The following ALK variants were observed in gnomAD, a reference collection of about 807,000 sequenced individuals.
The protein encoded by ALK is ALK receptor tyrosine kinase, also known as ALK tyrosine kinase receptor.
ALK carries 74 observed loss-of-function variants against 163.1 expected under a neutral mutation model. The observed-to-expected ratio is 0.45, with a 90% CI of 0.38 to 0.55. The LOEUF is 0.55. Among genes scored for constraint, ALK ranks in the 20% least tolerant of loss-of-function variants. The pLI, the probability that ALK is intolerant of heterozygous loss-of-function variation, is 0.00. For synonymous variants in ALK, 960 were observed against 843.2 expected (o/e 1.14, Z -2.40); for missense variants, 2,063 against 2,105.3 (o/e 0.98, Z 0.39).
chr2:29,683,721 A>G (rs1458207071), intron 3 of ALK, among the ~76,000 whole-genome samples: 2 of 152,138 alleles, frequency 1.3e-5, no homozygotes, highest in African/African-American at 4.8e-5. Flanking sequence ...ATTCCCAGAT[A>G]TGATGTTATA....
At chr2:29,484,831 T>A (rs1447366963) in intron 4 of ALK, among the ~76,000 whole-genome samples, 1 of 152,230 alleles carries the variant, frequency 6.6e-6, no homozygotes, top group Non-Finnish European at 1.5e-5. Context: ...TGACAACTCC[T>A]TTTTGTCAGC....
At chr2:29,511,533 T>G (rs1340811141) in intron 4 of ALK, among the ~76,000 whole-genome samples, 1 of 152,198 alleles carries the variant, frequency 6.6e-6, no homozygotes, top group Non-Finnish European at 1.5e-5. Context: ...TTTCTTTATC[T>G]ATTCACCTGT....
chr2:29,195,658 C>T (rs1353033650), intron 28 of ALK, among the ~76,000 whole-genome samples: 1 of 152,208 alleles, frequency 6.6e-6, no homozygotes, highest in Non-Finnish European at 1.5e-5. Context: ...TCGCTTGAAC[C>T]CGGGAGGTGG....
intron 3 of ALK, among the ~76,000 whole-genome samples, chr2:29,552,916 C>T (rs1204818606): frequency 6.6e-6 from 1 of 152,196 alleles, no homozygotes; most frequent in Non-Finnish European, 1.5e-5. Context: ...GCTTCTGAAG[C>T]TGTTCTCAAT....
intron 1 of ALK, among the ~76,000 whole-genome samples, chr2:29,874,671 G>GGGAAAATCATTTTC (rs1282735401): frequency 6.6e-6 from 1 of 152,146 alleles, no homozygotes; most frequent in Non-Finnish European, 1.5e-5. Flanking sequence ...AAATATACAT[G>GGGAAAATCATTTTC]GGAAAATCAT....
intron 3 of ALK, among the ~76,000 whole-genome samples, chr2:29,694,599 A>G (rs1479306751): frequency 6.6e-6 from 1 of 152,242 alleles, no homozygotes; most frequent in East Asian, 1.9e-4. Flanking sequence ...GGAAATCTGC[A>G]TGGAAGAGAG....
At chr2:29,623,373 C>A (rs1676092527) in intron 3 of ALK, among the ~76,000 whole-genome samples, 1 of 152,082 alleles carries the variant, frequency 6.6e-6, no homozygotes, top group Admixed American at 6.6e-5. Flanking sequence ...TGAAAAATCA[C>A]CACTAGAAGA....
intron 5 of ALK, among the ~76,000 whole-genome samples, chr2:29,370,381 G>A (rs1668610339): frequency 6.6e-6 from 1 of 152,156 alleles, no homozygotes; most frequent in African/African-American, 2.4e-5. Flanking sequence ...CGTGTGGTGT[G>A]TTTCTGAATC....
At chr2:29,271,617 C>T (rs527812303) in intron 11 of ALK, among the ~76,000 whole-genome samples, 3 of 152,340 alleles carry the variant, frequency 2.0e-5, no homozygotes, top group African/African-American at 7.2e-5. Flanking sequence ...TTCACATTAA[C>T]CCCCCTCATC....
At chr2:29,373,841 C>G (rs1216175715) in intron 5 of ALK, among the ~76,000 whole-genome samples, 1 of 152,194 alleles carries the variant, frequency 6.6e-6, no homozygotes, top group African/African-American at 2.4e-5. Context: ...CTCCAACTAC[C>G]TCTACAGAAT....
intron 5 of ALK, among the ~76,000 whole-genome samples, chr2:29,352,439 TC>T (rs1193046791): frequency 2.0e-5 from 3 of 152,144 alleles, no homozygotes; most frequent in Non-Finnish European, 4.4e-5. Context: ...CTTGAGGCCC[TC>T]CCCAACCTTG....
chr2:29,580,440 C>A (rs1049035310), intron 3 of ALK, among the ~76,000 whole-genome samples: 2 of 152,196 alleles, frequency 1.3e-5, no homozygotes, highest in Non-Finnish European at 2.9e-5. Context: ...GGCATCTGAG[C>A]AACCTTATAA....
At chr2:29,912,986 T>C (rs1213748707) in intron 1 of ALK, among the ~76,000 whole-genome samples, 1 of 152,186 alleles carries the variant, frequency 6.6e-6, no homozygotes, top group African/African-American at 2.4e-5. Flanking sequence ...TTGGCTAGTT[T>C]CCTGATTTCT....
chr2:29,429,450 C>T (rs1012569208), intron 4 of ALK, among the ~76,000 whole-genome samples: 1 of 151,678 alleles, frequency 6.6e-6, no homozygotes, highest in African/African-American at 2.4e-5. Context: ...TGGCAATGTA[C>T]AATTCAAAAA....
At chr2:29,643,850 G>T (rs1573522958) in intron 3 of ALK, among the ~76,000 whole-genome samples, 1 of 152,122 alleles carries the variant, frequency 6.6e-6, no homozygotes, top group Non-Finnish European at 1.5e-5. Flanking sequence ...CAATTCCTCA[G>T]GGATCTAGAA....
chr2:29,424,066 C>A lies in ALK; in HGVS notation c.1155-40207G>T, dbSNP rs142270443. 1.7e-3 allele frequency among the ~76,000 whole-genome samples: 254 copies of A among 152,166 alleles called. 1 individual carries two copies. The highest frequency in any genetic ancestry group is 5.6e-3 in the African/African-American group (231 of 41,494). On this transcript the variant is annotated intron_variant, in intron 4 of 28. Transcript: ENST00000389048. ...GAAATGTTCACAAGGAGAATAAATT[C>A]ACGTTACATGGGTAATGAAAAGGTA...
chr2:29,540,442 A>G (rs889939580), intron 3 of ALK, among the ~76,000 whole-genome samples: 1 of 152,166 alleles, frequency 6.6e-6, no homozygotes, highest in African/African-American at 2.4e-5. Context: ...AAGAGCCTCT[A>G]TGACCAATCA....
intron 23 of ALK, among the ~76,000 whole-genome samples, chr2:29,215,198 G>A (rs371750551): frequency 2.0e-5 from 3 of 152,224 alleles, no homozygotes; most frequent in East Asian, 1.9e-4. Context: ...GGTGGGCTGA[G>A]GACTGGGCTC....
chr2:29,241,038 G>A (rs757540569), intron 12 of ALK, among the ~76,000 whole-genome samples: 2 of 152,300 alleles, frequency 1.3e-5, no homozygotes, highest in East Asian at 1.9e-4. Context: ...GGCTGTTTGC[G>A]AACATGGCAG....
Sources: allele counts gnomAD v4.1 joint callset (sites outside exome capture counted in the v4.1 genomes callset), GRCh38; gene constraint gnomAD v4.1.1; transcripts MANE v1.5; gene names NCBI Gene and HGNC (gene_info 2026-07-23, HGNC 2026-07-21).